Variants in DPP10 observed in about 807,000 individuals in gnomAD.
DPP10 encodes dipeptidyl peptidase like 10, also known as inactive dipeptidyl peptidase 10.
A neutral mutation model predicts 120.9 loss-of-function variants in DPP10; 33 were observed. The observed-to-expected ratio is 0.27, with a 90% CI of 0.21 to 0.37. The LOEUF is 0.37. DPP10 is among the 10% of genes least tolerant of loss of function. The pLI, the probability that DPP10 is intolerant of heterozygous loss-of-function variation, is 1.00. For synonymous variants in DPP10, 337 were observed against 326.1 expected (o/e 1.03, Z -0.36); for missense variants, 816 against 942.8 (o/e 0.87, Z 1.76).
intron 11 of DPP10, among the ~76,000 whole-genome samples, chr2:115,756,193 A>G (rs1049209134): frequency 3.9e-5 from 6 of 152,054 alleles, no homozygotes; most frequent in African/African-American, 1.2e-4. Context: ...GCTTGGGAGG[A>G]AAGGATAGAG....
At position 115,270,097 on chromosome 2, in the gene DPP10, C is replaced by G. The variant is rs2059629026; in HGVS notation, c.61-39142C>G. Among the ~76,000 whole-genome samples, 6 of 149,362 alleles carry G rather than the reference C, an allele frequency of 4.0e-5. No homozygotes were observed. The South Asian group carries it at 1.0e-3, about 26-fold the overall frequency. On this transcript the variant is annotated intron_variant, in intron 1 of 25. Transcript: ENST00000410059. ...ACACACACACACACACACACACACACACACACACACACACACAGACACACA... is the reference window on the plus strand; with the variant it reads ...ACACACACACACACACACACACACAGACACACACACACACACAGACACACA...
intron 1 of DPP10, among the ~76,000 whole-genome samples, chr2:114,841,436 G>T (rs10496476): frequency 0.23 from 34,640 of 152,092 alleles, 4,252 homozygotes; most frequent in East Asian, 0.37. Context: ...ATTGGGAAAA[G>T]TCAACCTGGG....
intron 1 of DPP10, among the ~76,000 whole-genome samples, chr2:114,884,579 G>T (rs971851346): frequency 1.2e-4 from 19 of 152,084 alleles, no homozygotes; most frequent in Non-Finnish European, 7.4e-5. Context: ...ATTTCAATAG[G>T]TTTTCGAGGA....
intron 1 of DPP10, among the ~76,000 whole-genome samples, chr2:115,136,063 G>T (rs1162295640): frequency 6.6e-6 from 1 of 152,072 alleles, no homozygotes; most frequent in Non-Finnish European, 1.5e-5. Flanking sequence ...TATTTAAGAA[G>T]TGGAAGGAAC....
At chr2:115,094,128 T>C (rs1220235658) in intron 1 of DPP10, among the ~76,000 whole-genome samples, 2 of 152,104 alleles carry the variant, frequency 1.3e-5, no homozygotes, top group African/African-American at 2.4e-5. Context: ...TTCAAGTTCC[T>C]ATTAAACATA....
intron 2 of DPP10, among the ~76,000 whole-genome samples, chr2:115,337,945 TCTC>T (rs1199457356): frequency 1.3e-5 from 2 of 152,002 alleles, no homozygotes; most frequent in Admixed American, 1.3e-4. Context: ...AATATCTCCT[TCTC>T]ATTATTGTTT....
intron 3 of DPP10, among the ~76,000 whole-genome samples, chr2:115,400,997 G>A (rs775048177): frequency 1.3e-5 from 2 of 152,198 alleles, no homozygotes. Flanking sequence ...ATTTGTGTTA[G>A]CACACAGAGG....
intron 3 of DPP10, among the ~76,000 whole-genome samples, chr2:115,384,700 AAAG>A (rs1165033182): frequency 1.5e-5 from 2 of 131,498 alleles, no homozygotes; most frequent in South Asian, 2.4e-4. Context: ...GAAGAAAAAG[AAAG>A]AAGAAAGAAG....
At chr2:115,494,271 A>G (rs548588289) in intron 3 of DPP10, among the ~76,000 whole-genome samples, 21 of 152,196 alleles carry the variant, frequency 1.4e-4, no homozygotes, top group African/African-American at 4.8e-4. Context: ...TGTTTTTTGA[A>G]GCAGAAATAA....
intron 5 of DPP10, among the ~76,000 whole-genome samples, chr2:115,636,253 A>G (rs1558959744): frequency 2.0e-5 from 3 of 152,198 alleles, no homozygotes; most frequent in Non-Finnish European, 4.4e-5. Context: ...CAAAATATGT[A>G]ATAATGAATA....
Position 115,080,506 on chromosome 2 carries a change from A to G in DPP10, c.61-228733A>G, listed in dbSNP as rs556234019. Among the ~76,000 whole-genome samples the G allele has an allele frequency of 2.0e-5, 3 of 152,316 alleles. No homozygotes were observed. The East Asian group carries it at 5.8e-4, about 29-fold the overall frequency. On this transcript the variant is annotated intron_variant, in intron 1 of 25. Coordinates refer to ENST00000410059, the MANE Select transcript of DPP10 (RefSeq NM_020868.6). ...TAGTCCACTATCTTATTCTGTAAAT[A>G]GAGTTTTGTCGGAAACAACCCAGTC...
At chr2:115,418,486 G>A (rs1036862353) in intron 3 of DPP10, among the ~76,000 whole-genome samples, 1 of 152,130 alleles carries the variant, frequency 6.6e-6, no homozygotes, top group Non-Finnish European at 1.5e-5. Flanking sequence ...AATTTGCAGA[G>A]CAAGCCAGGT....
At chr2:114,999,564 T>G (rs971637962) in intron 1 of DPP10, among the ~76,000 whole-genome samples, 5 of 152,178 alleles carry the variant, frequency 3.3e-5, no homozygotes, top group Admixed American at 6.5e-5. Flanking sequence ...TTAAAAATGT[T>G]CTCTTTCCTT....
rs184360705 is a variant in DPP10 at position 115,081,574 on chromosome 2, T to C, written c.61-227665T>C. Among the ~76,000 whole-genome samples the C allele has an allele frequency of 1.3e-3, 204 of 152,358 alleles. 1 individual carries two copies. Among genetic ancestry groups the C allele is most frequent in the African/African-American group, 4.8e-3 (200 of 41,594 alleles). ...TGTTTTATAATCAGTATCTAATTAC[T>C]TATTAATAAATATCTGATGTCTTTA... On this transcript the variant is annotated intron_variant, in intron 1 of 25. Transcript: ENST00000410059.
intron 5 of DPP10, among the ~76,000 whole-genome samples, chr2:115,608,289 C>T (rs149565461): frequency 4.5e-4 from 68 of 152,106 alleles, no homozygotes; most frequent in Middle Eastern, 3.4e-3. Context: ...ATTCAGGAGG[C>T]GGAGGCGTGA....
chr2:114,769,532 T>A (rs1681059189), intron 1 of DPP10, among the ~76,000 whole-genome samples: 1 of 152,162 alleles, frequency 6.6e-6, no homozygotes, highest in Non-Finnish European at 1.5e-5. Flanking sequence ...AGCAAGGTGA[T>A]GAGAAGTTGC....
intron 3 of DPP10, among the ~76,000 whole-genome samples, chr2:115,473,697 A>G (rs1574951450): frequency 6.6e-6 from 1 of 152,356 alleles, no homozygotes; most frequent in East Asian, 1.9e-4. Context: ...TCTAGAAATC[A>G]GCTAACTTTA....
At chr2:114,672,444 T>C (rs959241367) in intron 1 of DPP10, among the ~76,000 whole-genome samples, 1 of 152,194 alleles carries the variant, frequency 6.6e-6, no homozygotes, top group Non-Finnish European at 1.5e-5. Flanking sequence ...CATGAGTGAA[T>C]AGTTTGCACT....
At chr2:114,754,620 A>G (rs1679562975) in intron 1 of DPP10, among the ~76,000 whole-genome samples, 1 of 152,150 alleles carries the variant, frequency 6.6e-6, no homozygotes, top group South Asian at 2.1e-4. Context: ...TTCAAATCTC[A>G]AAGGGTGGAG....
Sources: allele counts gnomAD v4.1 joint callset (sites outside exome capture counted in the v4.1 genomes callset), GRCh38; gene constraint gnomAD v4.1.1; transcripts MANE v1.5; gene names NCBI Gene and HGNC (gene_info 2026-07-23, HGNC 2026-07-21).